Variants in IL6R observed in about 807,000 individuals in gnomAD.
IL6R encodes interleukin-6 receptor subunit alpha.
Under a neutral mutation model 48.3 loss-of-function variants are expected in IL6R, and 38 were observed. That is an observed-to-expected ratio of 0.79 (90% CI 0.61 to 1.03). IL6R has a LOEUF of 1.03. Ranked by LOEUF, IL6R falls within the 50% of genes least tolerant of loss-of-function variation. IL6R has a pLI of 0.00. For missense variants in IL6R, 534 were observed against 618.3 expected, an observed-to-expected ratio of 0.86 and a Z score of 1.45; for synonymous variants, 264 against 256.2, an observed-to-expected ratio of 1.03 and a Z score of -0.29.
chr1:154,425,898 A>G (rs1217844652), intron 1 of IL6R, among the ~76,000 whole-genome samples: 1 of 151,584 alleles, frequency 6.6e-6, no homozygotes, highest in Non-Finnish European at 1.5e-5. Context: ...TGGGCAATAT[A>G]TTGAGAACTT....
Position 154,439,741 on chromosome 1 carries a change from C to T in IL6R, c.949+3631C>T, listed in dbSNP as rs528158657. Among the ~76,000 whole-genome samples the T allele has an allele frequency of 8.9e-4, 135 of 152,286 alleles. 2 individuals are homozygous for T. The highest frequency in any genetic ancestry group is 9.2e-4 in the Admixed American group (14 of 15,294). On this transcript the variant is annotated intron_variant, in intron 6 of 9. Transcript: ENST00000368485. The stretch of plus-strand genomic sequence containing the variant: ...AAACTCAGAATCTGTTAAACAGTAA[C>T]TTTCCTTTCACCCACTCCTTCCCCC...
intron 1 of IL6R, among the ~76,000 whole-genome samples, chr1:154,426,384 G>A (rs928763571): frequency 3.9e-5 from 6 of 152,012 alleles, no homozygotes; most frequent in African/African-American, 1.2e-4. Flanking sequence ...AGCCGGGCAT[G>A]GTGGTGTGTG....
intron 1 of IL6R, among the ~76,000 whole-genome samples, chr1:154,418,075 G>A (rs1688454595): frequency 6.6e-6 from 1 of 151,722 alleles, no homozygotes; most frequent in African/African-American, 2.4e-5. Flanking sequence ...TCACCATTTT[G>A]GCTAGGCTGG....
At chr1:154,414,722 G>T in intron 1 of IL6R, 1 of 814,114 alleles carries the variant, frequency 1.2e-6, no homozygotes, top group Admixed American at 1.9e-5. Flanking sequence ...TATTGCTCCA[G>T]GGACACAGGG....
chr1:154,459,170 G>A (rs1691099830), intron 9 of IL6R, among the ~76,000 whole-genome samples: 1 of 152,160 alleles, frequency 6.6e-6, no homozygotes, highest in Non-Finnish European at 1.5e-5. Flanking sequence ...CCATCTTGGT[G>A]TGTTGTAATG....
intron 4 of IL6R, 95 bp downstream of exon 4, chr1:154,434,795 A>C: frequency 7.3e-7 from 1 of 1,368,092 alleles, no homozygotes. Context: ...GGGGTGGTTG[A>C]GGGGTTTGGT....
chr1:154,414,369 A>G, intron 1 of IL6R: 1 of 1,399,918 alleles, frequency 7.1e-7, no homozygotes, highest in Non-Finnish European at 1.0e-6. Context: ...TGGGCTCAGA[A>G]GATCATCTCC....
intron 8 of IL6R, among the ~76,000 whole-genome samples, chr1:154,452,019 T>G (rs1275996431): frequency 6.6e-6 from 1 of 152,118 alleles, no homozygotes; most frequent in African/African-American, 2.4e-5. Flanking sequence ...GCAAGCGTTG[T>G]CCTTGTGCTT....
At chr1:154,437,100 T>C (rs1053456661) in intron 6 of IL6R, among the ~76,000 whole-genome samples, 7 of 152,000 alleles carry the variant, frequency 4.6e-5, no homozygotes, top group African/African-American at 1.4e-4. Flanking sequence ...TGTTGTTGTT[T>C]TGTTTGTTTG....
At chr1:154,463,502 C>T (rs1691375632) in intron 9 of IL6R, among the ~76,000 whole-genome samples, 1 of 152,202 alleles carries the variant, frequency 6.6e-6, no homozygotes, top group African/African-American at 2.4e-5. Flanking sequence ...GGAAAATCCC[C>T]AAATCTTGTT....
At chr1:154,411,202 G>A (rs1475653532) in intron 1 of IL6R, among the ~76,000 whole-genome samples, 1 of 152,122 alleles carries the variant, frequency 6.6e-6, no homozygotes, top group Non-Finnish European at 1.5e-5. Context: ...GGCATTACGG[G>A]TGCACACCAC....
At chr1:154,432,769 A>G (rs1337968587) in intron 3 of IL6R, among the ~76,000 whole-genome samples, 1 of 152,164 alleles carries the variant, frequency 6.6e-6, no homozygotes, top group Non-Finnish European at 1.5e-5. Flanking sequence ...CAGCATGACC[A>G]CTGGGCGCCT....
intron 1 of IL6R, among the ~76,000 whole-genome samples, chr1:154,411,854 C>A (rs1688037783): frequency 6.6e-6 from 1 of 151,900 alleles, no homozygotes; most frequent in South Asian, 2.1e-4. Flanking sequence ...GGTGACAAAG[C>A]AAGACCCTGT....
chr1:154,434,446 T>A, intron 3 of IL6R, 73 bp from the exon 4 acceptor site: 1 of 1,356,934 alleles, frequency 7.4e-7, no homozygotes, highest in East Asian at 2.3e-5. Flanking sequence ...GGGATTCCAC[T>A]TCCCCCTTCT....
chr1:154,413,860 G>T (rs1688180984), intron 1 of IL6R, among the ~76,000 whole-genome samples: 1 of 147,178 alleles, frequency 6.8e-6, no homozygotes. Flanking sequence ...TCTTTCTCAG[G>T]GTCTCACGGT....
At chr1:154,417,979 C>T (rs953199528) in intron 1 of IL6R, among the ~76,000 whole-genome samples, 1 of 152,102 alleles carries the variant, frequency 6.6e-6, no homozygotes, top group African/African-American at 2.4e-5. Flanking sequence ...GTGATCCGAC[C>T]TTCTCTGTCT....
intron 3 of IL6R, among the ~76,000 whole-genome samples, chr1:154,432,357 C>CTT (rs1171656160): frequency 4.2e-4 from 58 of 139,348 alleles, no homozygotes; most frequent in African/African-American, 1.3e-3. Context: ...AACTGAAATA[C>CTT]TTTTTTTTTT....
chr1:154,441,391 G>A (rs1418396769), intron 6 of IL6R, among the ~76,000 whole-genome samples: 2 of 152,184 alleles, frequency 1.3e-5, no homozygotes, highest in Non-Finnish European at 2.9e-5. Context: ...AGATAGAACA[G>A]TCGGTTTCTT....
In IL6R at chr1:154,405,758, C is replaced by A; in HGVS notation, c.85+44C>A. 7.4e-7 allele frequency: 1 copy of A among 1,343,442 alleles called. No homozygotes were observed. The highest frequency in any genetic ancestry group is 9.7e-7 in the Non-Finnish European group (1 of 1,029,752). 83.2% of individuals were successfully genotyped at this position (1,343,442 alleles called of 1,614,324 possible). A position where few individuals can be genotyped will look rare whatever the true frequency, so the allele number is the denominator to read the frequency against. On this transcript the variant is annotated intron_variant, in intron 1 of 9. Coordinates refer to ENST00000368485, the MANE Select transcript of IL6R (RefSeq NM_000565.4). This position sits in a 1 kb window ranked among gnomAD's most constrained non-coding sequence, Gnocchi z 5.2. ...CCTGGAGGGCTGGGGCAGCTAGCGG[C>A]TGGGGGAAACCGCCTTGGTCACCGC... is the stretch of plus-strand genomic sequence containing the variant.
Sources: allele counts gnomAD v4.1 joint callset (sites outside exome capture counted in the v4.1 genomes callset), GRCh38; gene constraint gnomAD v4.1.1; non-coding constraint Gnocchi (gnomAD v3.1); transcripts MANE v1.5; gene names NCBI Gene and HGNC (gene_info 2026-07-23, HGNC 2026-07-21).